LVRN: variants seen among roughly 807,000 people sequenced by gnomAD.
LVRN encodes the protein aminopeptidase Q.
A neutral mutation model predicts 111.4 loss-of-function variants in LVRN; 99 were observed. The observed-to-expected ratio is 0.89, with a 90% CI of 0.76 to 1.05. LVRN has a LOEUF of 1.05. LVRN is among the 50% of genes least tolerant of loss of function. The pLI, the probability that LVRN is intolerant of heterozygous loss-of-function variation, is 0.00. For synonymous variants in LVRN, 488 were observed against 449.5 expected, an observed-to-expected ratio of 1.09 and a Z score of -1.08; for missense variants, 1,414 against 1,206.8, an observed-to-expected ratio of 1.17 and a Z score of -2.54.
chr5:115,976,801 G>T (rs1753459392), intron 1 of LVRN, among the ~76,000 whole-genome samples: 1 of 152,134 alleles, frequency 6.6e-6, no homozygotes, highest in South Asian at 2.1e-4. Flanking sequence ...GCTGGATTTG[G>T]TTATATTGCT....
chr5:116,009,955 G>A (rs1338510928), intron 13 of LVRN, among the ~76,000 whole-genome samples: 3 of 152,144 alleles, frequency 2.0e-5, no homozygotes, highest in African/African-American at 7.2e-5. Context: ...TTTTGCTGTG[G>A]GTAAAATGCT....
intron 14 of LVRN, among the ~76,000 whole-genome samples, chr5:116,011,190 G>GTTT (rs34031653): frequency 0.064 from 9,281 of 144,024 alleles, 379 homozygotes; most frequent in Admixed American, 0.12. Flanking sequence ...TGGTATGCCT[G>GTTT]TTTTTTTTTT....
rs755611085 is a variant in LVRN, at chr5:115,963,056, C to T, written c.439C>T (p.His147Tyr). 1 of 1,613,670 alleles carries T rather than the reference C, an allele frequency of 6.2e-7. No individual in the cohort carries two copies. The highest frequency in any genetic ancestry group is 1.1e-5 in the South Asian group (1 of 91,070). ...CTVATSRLLL[H>Y]SLFQDCERAE... ...GGTGGCCACCTCTCGACTGCTGCTG[C>T]ATAGCCTCTTCCAGGACTGCGAGCG... The change falls in exon 1 of 20, where the codon CAT becomes TAT. Residue 147 changes from histidine (H) to tyrosine (Y), a missense_variant. Physicochemically the swap from His to Tyr is moderately conservative, Grantham distance 83. Coordinates refer to ENST00000357872, the MANE Select transcript of LVRN (RefSeq NM_173800.5).
At chr5:115,977,628 T>C (rs1173569657) in intron 1 of LVRN, among the ~76,000 whole-genome samples, 1 of 152,206 alleles carries the variant, frequency 6.6e-6, no homozygotes, top group Non-Finnish European at 1.5e-5. Context: ...TTAGTATTTA[T>C]TACGTTATGT....
At position 115,990,512 on chromosome 5, in the gene LVRN, G is replaced by A. The variant is rs572033549; in HGVS notation, c.1106-1611G>A. 1.5e-4 allele frequency among the ~76,000 whole-genome samples: 23 copies of A among 152,168 alleles called. No homozygotes were observed. The South Asian group carries it at 4.6e-3, about 30-fold the overall frequency. ...TATATGCTTTAAATATTTTTCCCTA[G>A]ATTATTATTTGCCTTTCAAATTTGT... On this transcript the variant is annotated intron_variant, in intron 4 of 19. Transcript: ENST00000357872.
intron 3 of LVRN, among the ~76,000 whole-genome samples, chr5:115,986,427 A>G (rs2112575903): frequency 6.6e-6 from 1 of 152,294 alleles, no homozygotes; most frequent in Middle Eastern, 3.4e-3. Flanking sequence ...GCGGGATGAT[A>G]TCGATTTATC....
chr5:115,982,879 C>T (rs917196399), intron 1 of LVRN, among the ~76,000 whole-genome samples: 4 of 152,132 alleles, frequency 2.6e-5, no homozygotes, highest in African/African-American at 9.7e-5. Context: ...AAAAAATAGA[C>T]ATTCTTCCCC....
chr5:116,016,215 G>A (rs1748599346), intron 18 of LVRN, among the ~76,000 whole-genome samples: 1 of 152,052 alleles, frequency 6.6e-6, no homozygotes, highest in Non-Finnish European at 1.5e-5. Flanking sequence ...ATTATTTATG[G>A]ATTGTAAGAA....
rs759640919 is a variant in LVRN at position 116,001,088 on chromosome 5, G to A, written c.1669G>A (p.Val557Ile). The A allele has an allele frequency of 6.2e-7, 1 of 1,610,696 alleles. No individual in the cohort carries two copies. Among genetic ancestry groups the A allele is most frequent in the East Asian group, 2.2e-5 (1 of 44,840 alleles). ...ACAGGCCATAGATGACCAGAGTACA[G>A]TTATTTTGCCAGCAACAATAAAAAA... is the stretch of plus-strand genomic sequence containing the variant. ...FQMAIDDQST[V>I]ILPATIKNIM... The change falls in exon 10 of 20, where the codon GTT (valine) becomes ATT (isoleucine). Residue 557 changes from valine (V) to isoleucine (I), a missense_variant. By Grantham distance (29) the Val-to-Ile change is conservative. Transcript: ENST00000357872.
rs187743844 is a variant in LVRN at position 116,025,527 on chromosome 5, T to G, written c.2833-451T>G. ...TGAGGTAATTCAGCCAATGTACAAATTCATTATCTAAGTATTCTAAAATAA... is the reference window on the plus strand; with the variant it reads ...TGAGGTAATTCAGCCAATGTACAAAGTCATTATCTAAGTATTCTAAAATAA... On this transcript the variant is annotated intron_variant, in intron 19 of 19. Coordinates refer to ENST00000357872, the MANE Select transcript of LVRN (RefSeq NM_173800.5). Among the ~76,000 whole-genome samples the G allele has an allele frequency of 2.6e-3, 398 of 152,304 alleles. 1 individual carries two copies. The highest frequency in any genetic ancestry group is 9.1e-3 in the African/African-American group (379 of 41,558).
intron 1 of LVRN, among the ~76,000 whole-genome samples, chr5:115,978,307 C>G (rs1753488936): frequency 6.6e-6 from 1 of 152,168 alleles, no homozygotes; most frequent in Admixed American, 6.5e-5. Context: ...TGTGGCTGAG[C>G]AGTCCTCTCT....
intron 10 of LVRN, among the ~76,000 whole-genome samples, chr5:116,002,172 C>A (rs1316030510): frequency 6.6e-6 from 1 of 152,176 alleles, no homozygotes; most frequent in African/African-American, 2.4e-5. Flanking sequence ...CTTAGCTATG[C>A]AGATAAACAC....
At chr5:115,981,126 C>T (rs1276153657) in intron 1 of LVRN, among the ~76,000 whole-genome samples, 1 of 152,150 alleles carries the variant, frequency 6.6e-6, no homozygotes, top group African/African-American at 2.4e-5. Flanking sequence ...CTTGAATTTT[C>T]TCTACTTTGT....
At chr5:116,020,839 T>C (rs1336557483) in intron 18 of LVRN, among the ~76,000 whole-genome samples, 2 of 152,162 alleles carry the variant, frequency 1.3e-5, no homozygotes, top group Non-Finnish European at 2.9e-5. Flanking sequence ...CAGACTGGAG[T>C]ACCCAAATCA....
intron 19 of LVRN, among the ~76,000 whole-genome samples, chr5:116,025,140 C>T (rs760552024): frequency 2.0e-5 from 3 of 152,176 alleles, no homozygotes; most frequent in Non-Finnish European, 4.4e-5. Flanking sequence ...GTTACCACCT[C>T]CCGGCAGGTG....
rs536884887 is a variant in LVRN, at chr5:115,985,959, TG to T, written c.978+1251del. Reference sequence around the variant, plus strand: ...GTCTTCCAGGCTTGCACCATTGACATGTGGAGAAAAGGAAGCTGTGGGTGAG... The same window carrying T: ...GTCTTCCAGGCTTGCACCATTGACATTGGAGAAAAGGAAGCTGTGGGTGAG... On this transcript the variant is annotated intron_variant, in intron 3 of 19. Coordinates refer to ENST00000357872, the MANE Select transcript of LVRN (RefSeq NM_173800.5). Among the ~76,000 whole-genome samples, 615 of 152,260 alleles carry T rather than the reference TG, an allele frequency of 4.0e-3. 2 individuals carry two copies. Among genetic ancestry groups the T allele is most frequent in the Middle Eastern group, 6.8e-3 (2 of 294 alleles).
Position 115,999,754 on chromosome 5 carries a change from C to G in LVRN, c.1375-8C>G. 6.2e-7 allele frequency: 1 copy of G among 1,612,614 alleles called. No homozygotes were observed. On this transcript the variant is annotated splice_polypyrimidine_tract_variant and splice_region_variant and intron_variant, in intron 6 of 19. Transcript: ENST00000357872. ...GGAGTTAATGTGCCTCCATCTTTTC[C>G]TTTATAGAATGAGATCTTTTTTTCT...
chr5:115,992,932 T>G (rs542956373), intron 5 of LVRN, among the ~76,000 whole-genome samples: 34 of 152,342 alleles, frequency 2.2e-4, no homozygotes, highest in East Asian at 1.9e-4. Flanking sequence ...ATCTTCGTAA[T>G]GTGGCTCCAT....
rs185852835 is a variant in LVRN, at chr5:115,966,935, G to A, written c.695+3623G>A. Among the ~76,000 whole-genome samples the A allele has an allele frequency of 4.2e-3, 638 of 152,188 alleles. 2 individuals are homozygous for A. The highest frequency in any genetic ancestry group is 4.9e-3 in the Non-Finnish European group (334 of 67,996). ...TTTTTTGTGTGCTTATTTGCCATCT[G>A]TATATCAGTCAGTGAAATGTCTCTT... On this transcript the variant is annotated intron_variant, in intron 1 of 19. Coordinates refer to ENST00000357872, the MANE Select transcript of LVRN (RefSeq NM_173800.5).
Sources: allele counts gnomAD v4.1 joint callset (sites outside exome capture counted in the v4.1 genomes callset), GRCh38; gene constraint gnomAD v4.1.1; transcripts MANE v1.5; gene names NCBI Gene and HGNC (gene_info 2026-07-23, HGNC 2026-07-21).